Variants in VWA5A observed in about 807,000 individuals in gnomAD.
The protein encoded by VWA5A is von Willebrand factor A domain-containing protein 5A.
A neutral mutation model predicts 84.6 loss-of-function variants in VWA5A; 77 were observed. The observed-to-expected ratio is 0.91, with a 90% CI of 0.76 to 1.10. The LOEUF is 1.10. Ranked by LOEUF, VWA5A falls within the 50% of genes least tolerant of loss-of-function variation. The pLI is 0.00. For missense variants in VWA5A, 973 were observed against 963.0 expected (o/e 1.01, Z -0.14); for synonymous variants, 334 against 350.1 (o/e 0.95, Z 0.51).
In VWA5A at chr11:124,117,429, A is replaced by G. The variant is rs762824991; in HGVS notation, c.-15-68A>G. 7.7e-6 allele frequency: 11 copies of G among 1,432,118 alleles called. No homozygotes were observed. In the South Asian group the frequency reaches 1.0e-4, roughly 13 times the overall value. 88.7% of individuals were successfully genotyped at this position (1,432,118 alleles called of 1,614,324 possible). ...GTATTCTTATGCCAGAGAAAGGCAC[A>G]TAAAGTACTGGTGTTTGAACAGATA... On this transcript the variant is annotated intron_variant, in intron 2 of 18. Transcript: ENST00000456829.
chr11:124,121,575 C>A (rs1864932944), intron 7 of VWA5A, among the ~76,000 whole-genome samples: 1 of 151,970 alleles, frequency 6.6e-6, no homozygotes, highest in East Asian at 1.9e-4. Context: ...CCCTGGGAAG[C>A]CAAAAGATTG....
chr11:124,144,855 G>T (rs528464884), intron 17 of VWA5A, among the ~76,000 whole-genome samples: 3 of 152,090 alleles, frequency 2.0e-5, no homozygotes, highest in South Asian at 2.1e-4. Context: ...AATGTTTATT[G>T]ATATTTTTTC....
chr11:124,139,326 A>G (rs949266344), intron 15 of VWA5A, among the ~76,000 whole-genome samples: 6 of 150,276 alleles, frequency 4.0e-5, no homozygotes. Context: ...AATGCTGTGA[A>G]GGTTGTCTTT....
intron 5 of VWA5A, 34 bp from the exon 6 acceptor site, chr11:124,118,499 G>A: frequency 1.2e-6 from 2 of 1,611,518 alleles, no homozygotes; most frequent in Non-Finnish European, 8.5e-7. Context: ...AAAAGTGTTG[G>A]CAAGGAAAAC....
At chr11:124,123,312 A>T in intron 8 of VWA5A, 54 bp from the exon 9 acceptor site, 1 of 1,560,804 alleles carries the variant, frequency 6.4e-7, no homozygotes, top group South Asian at 1.1e-5. Context: ...GACAGGGCCC[A>T]TGTGTTTTGG....
intron 16 of VWA5A, among the ~76,000 whole-genome samples, chr11:124,142,238 C>T (rs1451640004): frequency 1.3e-5 from 2 of 152,222 alleles, no homozygotes; most frequent in African/African-American, 4.8e-5. Context: ...AGCCCTGCTG[C>T]CACCATCTGT....
Position 124,117,790 on chromosome 11 carries a change from C to A in VWA5A, c.161C>A (p.Pro54His). ...CCTTTGGAGGCCTTCTTTGTGTTCC[C>A]CATGGATGAAGACTCTGCTGTTTAC... is the stretch of plus-strand genomic sequence containing the variant. ...KVPLEAFFVF[P>H]MDEDSAVYSF... Residue 54 changes from proline to histidine, a missense_variant, in exon 4 of 19, where the codon CCC becomes CAC. Pro to His is a moderately conservative substitution (Grantham distance 77, BLOSUM62 -2). Coordinates refer to ENST00000456829, the MANE Select transcript of VWA5A (RefSeq NM_001130142.2). The A allele has an allele frequency of 6.2e-7, 1 of 1,614,118 alleles. No homozygotes were observed. Among genetic ancestry groups the A allele is most frequent in the Non-Finnish European group, 8.5e-7 (1 of 1,180,026 alleles).
At chr11:124,117,982 C>A (rs1864862627) in intron 4 of VWA5A, 107 bp downstream of exon 4, 3 of 1,402,746 alleles carry the variant, frequency 2.1e-6, no homozygotes, top group African/African-American at 1.4e-5. Flanking sequence ...ACAAAACATG[C>A]TGATGTTGAA....
At chr11:124,144,915 T>C (rs7121020) in intron 17 of VWA5A, among the ~76,000 whole-genome samples, 89,012 of 151,828 alleles carry the variant, frequency 0.59, 26,731 homozygotes, top group East Asian at 0.74. Context: ...AAAAAACTTA[T>C]GAAGGTTCTT....
At chr11:124,127,069 T>C (rs1056896158) in intron 11 of VWA5A, among the ~76,000 whole-genome samples, 2 of 152,216 alleles carry the variant, frequency 1.3e-5, no homozygotes, top group African/African-American at 4.8e-5. Flanking sequence ...GTGCAGAACA[T>C]GCAGGTTTGT....
intron 13 of VWA5A, 76 bp from the exon 14 acceptor site, chr11:124,136,498 T>G (rs1042491047): frequency 1.3e-6 from 2 of 1,488,320 alleles, no homozygotes; most frequent in African/African-American, 2.8e-5. Flanking sequence ...TTTGGGTACC[T>G]GCCCCTGTTC....
rs754478824 is a variant in VWA5A, at chr11:124,145,291, A to T, written c.2209A>T (p.Asn737Tyr). Residue 737 changes from asparagine (N) to tyrosine (Y), a missense_variant, in exon 18 of 19, where the codon AAT (asparagine) becomes TAT (tyrosine). Coordinates refer to ENST00000456829, the MANE Select transcript of VWA5A (RefSeq NM_001130142.2). Reference protein sequence around the residue: ...TILAVIWLHSNGKDLKCEWEL... With the variant: ...TILAVIWLHSYGKDLKCEWEL... ...CCTGGCCGTGATCTGGCTGCACAGC[A>T]ATGGTAAGGACTTGAAGTGTGAATG... 3 of 1,613,872 alleles carry T rather than the reference A, an allele frequency of 1.9e-6. No homozygotes were observed. The African/African-American group carries it at 4.0e-5, about 22-fold the overall frequency.
Position 124,146,123 on chromosome 11 carries a change from T to A in VWA5A, c.*178T>A. The A allele has an allele frequency of 1.7e-6, 1 of 591,368 alleles. No individual in the cohort carries two copies. The highest frequency in any genetic ancestry group is 3.4e-5 in the East Asian group (1 of 29,810). 36.6% of individuals were successfully genotyped at this position (591,368 alleles called of 1,614,324 possible). On this transcript the variant is annotated 3_prime_UTR_variant, in exon 19 of 19. Transcript: ENST00000456829. ...AGGTTCACTTTGGATATGATCTTTC[T>A]TTTCCCAACATATGCCCTCAGAAAA... is the stretch of plus-strand genomic sequence containing the variant.
intron 11 of VWA5A, among the ~76,000 whole-genome samples, chr11:124,129,986 T>C (rs1440668683): frequency 2.0e-5 from 3 of 152,222 alleles, no homozygotes; most frequent in Non-Finnish European, 4.4e-5. Context: ...CCTTCAGTTC[T>C]GCCCTGATCT....
rs370786608 is a variant in VWA5A, at chr11:124,136,691, CCCTTCCTT to C, written c.1625+67_1625+74del. 25,014 of 1,094,184 alleles carry C rather than the reference CCCTTCCTT, an allele frequency of 0.023. 550 individuals carry two copies. Among genetic ancestry groups the C allele is most frequent in the South Asian group, 0.035 (2,401 of 68,166 alleles). 67.8% of individuals were successfully genotyped at this position (1,094,184 alleles called of 1,614,324 possible). On this transcript the variant is annotated intron_variant, in intron 14 of 18. Coordinates refer to ENST00000456829, the MANE Select transcript of VWA5A (RefSeq NM_001130142.2). ...TGATGTCAAGTGAGAATTCAGTTTTCCCTTCCTTCCTTCCTTCCTTCCTTCCTTCCTTC... is the reference window on the plus strand; with the variant it reads ...TGATGTCAAGTGAGAATTCAGTTTTCCCTTCCTTCCTTCCTTCCTTCCTTC...
At chr11:124,125,660 A>T (rs1171825676) in intron 11 of VWA5A, among the ~76,000 whole-genome samples, 1 of 152,048 alleles carries the variant, frequency 6.6e-6, no homozygotes, top group Non-Finnish European at 1.5e-5. Flanking sequence ...CGCCAGTTGG[A>T]TGTCCTCTTT....
intron 12 of VWA5A, 49 bp from the exon 13 acceptor site, chr11:124,136,080 G>A (rs1020735877): frequency 6.3e-7 from 1 of 1,586,014 alleles, no homozygotes; most frequent in Middle Eastern, 1.7e-4. Context: ...AATTGTAGCT[G>A]CCATTGTCTG....
At chr11:124,137,565 T>G (rs1290148632) in intron 15 of VWA5A, among the ~76,000 whole-genome samples, 5 of 152,244 alleles carry the variant, frequency 3.3e-5, no homozygotes, top group Non-Finnish European at 5.9e-5. Flanking sequence ...ATTTATCTTT[T>G]TTATTGAGAT....
Position 124,146,037 on chromosome 11 carries a change from T to G in VWA5A, c.*92T>G. 7.6e-7 allele frequency: 1 copy of G among 1,309,294 alleles called. No homozygotes were observed. The highest frequency in any genetic ancestry group is 1.5e-5 in the African/African-American group (1 of 66,760). 81.1% of individuals were successfully genotyped at this position (1,309,294 alleles called of 1,614,324 possible). A position where few individuals can be genotyped will look rare whatever the true frequency, so the allele number is the denominator to read the frequency against. ...TGTGATGATGTGTTCTTGTGTATTA[T>G]AACTCTTTATTTTTTGCCATAAAAG... is the stretch of plus-strand genomic sequence containing the variant. On this transcript the variant is annotated 3_prime_UTR_variant, in exon 19 of 19. Coordinates refer to ENST00000456829, the MANE Select transcript of VWA5A (RefSeq NM_001130142.2).
Sources: gnomAD v4.1 joint callset for allele counts (sites outside exome capture counted in the v4.1 genomes callset) on GRCh38, gnomAD v4.1.1 for gene constraint, MANE v1.5 for transcripts, NCBI Gene and HGNC (gene_info 2026-07-23, HGNC 2026-07-21) for gene names.